NIPBL: variants seen among roughly 807,000 people sequenced by gnomAD.
NIPBL encodes the protein nipped-B-like protein.
NIPBL carries 19 observed loss-of-function variants against 321.8 expected under a neutral mutation model. The ratio of observed to expected loss-of-function variants is 0.06; its 90% confidence interval spans 0.04 to 0.09. The LOEUF (loss-of-function observed/expected upper bound fraction) is 0.09. Ranked by LOEUF, NIPBL falls within the 10% of genes least tolerant of loss-of-function variation. The probability of loss-of-function intolerance (pLI) is 1.00; values close to 1 mark genes in which losing one functional copy is unlikely to be tolerated. For missense variants in NIPBL, 2,210 were observed against 3,327.0 expected, an observed-to-expected ratio of 0.66 and a Z score of 8.26; for synonymous variants, 1,106 against 1,114.1, an observed-to-expected ratio of 0.99 and a Z score of 0.14.
At chr5:36,904,498 A>G (rs567490657) in intron 1 of NIPBL, among the ~76,000 whole-genome samples, 11 of 152,208 alleles carry the variant, frequency 7.2e-5, no homozygotes, top group Non-Finnish European at 1.5e-4. Context: ...ATGTATTGCC[A>G]TGTAACAAAT....
chr5:36,975,724 A>G, intron 8 of NIPBL, 52 bp from the exon 9 acceptor site: 4 of 1,550,270 alleles, frequency 2.6e-6, no homozygotes, highest in South Asian at 1.1e-5. Flanking sequence ...ATCACATTGT[A>G]AGAAAATGTG....
chr5:36,914,664 C>T (rs962838550), intron 1 of NIPBL, among the ~76,000 whole-genome samples: 4 of 152,146 alleles, frequency 2.6e-5, no homozygotes, highest in Admixed American at 6.5e-5. Flanking sequence ...TTTGAAAATC[C>T]GAAATTTGAA....
Position 37,048,687 on chromosome 5 carries a change from T to C in NIPBL, c.6763+12T>C, listed in dbSNP as rs778049587. On this transcript the variant is annotated intron_variant, in intron 39 of 46. Coordinates refer to ENST00000282516, the MANE Select transcript of NIPBL (RefSeq NM_133433.4). ...GGCAGATAGAGACTGTAAGTGAAAA[T>C]ATATTTTTAAATTTCATAGCTACAT... 16 of 1,586,328 alleles carry C rather than the reference T, an allele frequency of 1.0e-5. No homozygotes were observed. The highest frequency in any genetic ancestry group is 1.4e-5 in the Non-Finnish European group (16 of 1,158,018).
chr5:37,023,892 G>A (rs562896485), intron 29 of NIPBL, among the ~76,000 whole-genome samples: 19 of 151,626 alleles, frequency 1.3e-4, no homozygotes, highest in South Asian at 4.2e-4. Flanking sequence ...TAGGCCAGGC[G>A]CAGTGCCTCA....
At chr5:37,042,781 G>A (rs553387848) in intron 34 of NIPBL, among the ~76,000 whole-genome samples, 12 of 150,170 alleles carry the variant, frequency 8.0e-5, no homozygotes, top group East Asian at 4.0e-4. Context: ...AGCCAAGATC[G>A]CGCCACTGCA....
In NIPBL at chr5:36,918,131, C is replaced by T. The variant is rs565475864; in HGVS notation, c.-79-35487C>T. ...ACCTTGGGCAGTATGGCCATTTTCA[C>T]GATATTGATTCTTCCTACCCATGAG... On this transcript the variant is annotated intron_variant, in intron 1 of 46. Transcript: ENST00000282516. Among the ~76,000 whole-genome samples, 224 of 152,144 alleles carry T rather than the reference C, an allele frequency of 1.5e-3. 3 individuals are homozygous for T. The highest frequency in any genetic ancestry group is 6.8e-3 in the Middle Eastern group (2 of 294).
chr5:37,043,253 G>T (rs1247345518), intron 34 of NIPBL, among the ~76,000 whole-genome samples: 2 of 152,078 alleles, frequency 1.3e-5, no homozygotes, highest in Admixed American at 6.6e-5. Context: ...ATTAAGGCCG[G>T]ACGCAGTTTC....
At chr5:36,929,340 T>G (rs1749602775) in intron 1 of NIPBL, among the ~76,000 whole-genome samples, 1 of 152,106 alleles carries the variant, frequency 6.6e-6, no homozygotes, top group Admixed American at 6.5e-5. Flanking sequence ...TTTGTATATT[T>G]ATAAGCCATT....
At chr5:36,929,887 TA>T (rs1749652294) in intron 1 of NIPBL, among the ~76,000 whole-genome samples, 1 of 152,106 alleles carries the variant, frequency 6.6e-6, no homozygotes, top group African/African-American at 2.4e-5. Context: ...AAATCTAACA[TA>T]AATACAAAGA....
At chr5:36,933,476 ATTT>A (rs1749934095) in intron 1 of NIPBL, among the ~76,000 whole-genome samples, 1 of 152,054 alleles carries the variant, frequency 6.6e-6, no homozygotes. Context: ...TTCTAGAGAC[ATTT>A]TTTATTTCTG....
intron 9 of NIPBL, among the ~76,000 whole-genome samples, chr5:36,979,998 A>G (rs950419635): frequency 6.6e-6 from 1 of 151,702 alleles, no homozygotes; most frequent in African/African-American, 2.4e-5. Context: ...TGTTGATAGT[A>G]ACAAAAACAG....
intron 1 of NIPBL, among the ~76,000 whole-genome samples, chr5:36,920,309 AT>A (rs1384320408): frequency 6.6e-6 from 1 of 152,210 alleles, no homozygotes; most frequent in Non-Finnish European, 1.5e-5. Flanking sequence ...ACAAATAGCC[AT>A]TTTAAAGAAA....
intron 1 of NIPBL, among the ~76,000 whole-genome samples, chr5:36,929,883 A>T (rs936035101): frequency 6.6e-6 from 1 of 152,100 alleles, no homozygotes; most frequent in East Asian, 1.9e-4. Flanking sequence ...TGAAAAATCT[A>T]ACATAAATAC....
At chr5:36,882,361 G>A (rs1037520172) in intron 1 of NIPBL, among the ~76,000 whole-genome samples, 1 of 151,792 alleles carries the variant, frequency 6.6e-6, no homozygotes, top group Admixed American at 6.6e-5. Context: ...CGAGGGAAAA[G>A]GTTTTTCAGT....
At chr5:37,011,521 C>T (rs1748122414) in intron 21 of NIPBL, among the ~76,000 whole-genome samples, 1 of 152,100 alleles carries the variant, frequency 6.6e-6, no homozygotes. Flanking sequence ...TGCCACTGCA[C>T]CCTGGCCTGG....
At chr5:36,963,852 A>T (rs1401883349) in intron 6 of NIPBL, among the ~76,000 whole-genome samples, 1 of 152,156 alleles carries the variant, frequency 6.6e-6, no homozygotes, top group African/African-American at 2.4e-5. Flanking sequence ...ATACATATCT[A>T]TGTGTATATG....
chr5:37,016,225 A>G (rs1748977486), intron 23 of NIPBL, 55 bp downstream of exon 23: 3 of 1,523,172 alleles, frequency 2.0e-6, no homozygotes, highest in East Asian at 2.3e-5. Context: ...CATAATGAGG[A>G]TGTACTCTGA....
chr5:36,986,925 C>G (rs774800625), intron 10 of NIPBL, among the ~76,000 whole-genome samples: 1 of 152,106 alleles, frequency 6.6e-6, no homozygotes, highest in Non-Finnish European at 1.5e-5. Context: ...TCTGAATTCT[C>G]TGGTTACTTG....
intron 14 of NIPBL, among the ~76,000 whole-genome samples, chr5:37,001,506 G>A (rs1293413199): frequency 2.0e-5 from 3 of 152,204 alleles, no homozygotes; most frequent in South Asian, 4.1e-4. Context: ...CAGGTGAGGA[G>A]GCTTGAAAAG....
Sources: allele counts gnomAD v4.1 joint callset (sites outside exome capture counted in the v4.1 genomes callset), GRCh38; gene constraint gnomAD v4.1.1; transcripts MANE v1.5; gene names NCBI Gene and HGNC (gene_info 2026-07-23, HGNC 2026-07-21).